The following PI4KA variants were observed in gnomAD, a reference collection of about 807,000 sequenced individuals.
PI4KA encodes the protein PI4-kinase alpha.
PI4KA carries 122 observed loss-of-function variants against 271.4 expected under a neutral mutation model. That is an observed-to-expected ratio of 0.45 (90% CI 0.39 to 0.52). PI4KA has a LOEUF of 0.52. Ranked by LOEUF, PI4KA falls within the 20% of genes least tolerant of loss-of-function variation. The pLI is 0.00. For missense variants in PI4KA, 1,969 were observed against 2,769.1 expected (o/e 0.71, Z 6.48); for synonymous variants, 1,041 against 1,078.8 (o/e 0.96, Z 0.69).
chr22:20,808,161 A>G (rs1456043419), intron 9 of PI4KA, among the ~76,000 whole-genome samples: 2 of 151,884 alleles, frequency 1.3e-5, no homozygotes, highest in African/African-American at 4.8e-5. Context: ...GTGGTGGTAC[A>G]TGACTGTAAT....
At chr22:20,820,731 C>T (rs1281671121) in intron 4 of PI4KA, 120 bp from the exon 5 acceptor site, 4 of 679,550 alleles carry the variant, frequency 5.9e-6, no homozygotes, top group Non-Finnish European at 1.0e-5. Flanking sequence ...ATATATGATA[C>T]ATCCCTCCAC....
At chr22:20,774,665 G>A (rs1437082712) in intron 19 of PI4KA, among the ~76,000 whole-genome samples, 3 of 152,016 alleles carry the variant, frequency 2.0e-5, no homozygotes, top group Admixed American at 2.0e-4. Context: ...GGAGGCTGAG[G>A]CAGGAGAATC....
chr22:20,743,444 C>G (rs1336137435), intron 30 of PI4KA, among the ~76,000 whole-genome samples: 2 of 150,788 alleles, frequency 1.3e-5, no homozygotes, highest in Admixed American at 1.3e-4. Flanking sequence ...ACACCCAGCC[C>G]TCCTTACTAT....
intron 19 of PI4KA, among the ~76,000 whole-genome samples, chr22:20,791,632 C>G (rs1257714063): frequency 6.6e-6 from 1 of 151,854 alleles, no homozygotes; most frequent in Non-Finnish European, 1.5e-5. Flanking sequence ...GTGATGTGCA[C>G]CTGTAGTCCC....
chr22:20,799,377 GTCTTGATGCAGTGT>G lies in PI4KA; in HGVS notation c.1821-115_1821-102del, dbSNP rs146637143. ...CGATCTAGACCTTAATTTCATAACAGTCTTGATGCAGTGTTCATCTGAAACTGACAGCCCAGGAT... is the reference window on the plus strand; with the variant it reads ...CGATCTAGACCTTAATTTCATAACAGTCATCTGAAACTGACAGCCCAGGAT... On this transcript the variant is annotated intron_variant, in intron 15 of 54. Transcript: ENST00000255882. The G allele has an allele frequency of 1.8e-3, 1,986 of 1,122,070 alleles. 30 individuals carry two copies. In the African/African-American group the frequency reaches 0.029, roughly 16 times the overall value. The allele number at this position is 1,122,070 out of a possible 1,614,324, so 69.5% of individuals were successfully genotyped here. A position where few individuals can be genotyped will look rare whatever the true frequency, so the allele number is the denominator to read the frequency against.
intron 23 of PI4KA, among the ~76,000 whole-genome samples, chr22:20,755,852 G>A (rs1931235046): frequency 1.3e-5 from 2 of 151,784 alleles, no homozygotes; most frequent in Non-Finnish European, 2.9e-5. Context: ...AGAACACAGT[G>A]ATCATCACAG....
In PI4KA at chr22:20,742,266, C is replaced by T; in HGVS notation, c.3703G>A (p.Glu1235Lys). Residue 1235 changes from glutamate to lysine, a missense_variant, in exon 32 of 55, where the codon GAG becomes AAG. By Grantham distance (56) the Glu-to-Lys change is moderately conservative. Transcript: ENST00000255882. ...HGMETALACW[E>K]WLLAGKDGVE... ...CCATCCTTGCCAGCCAGCAGCCACT[C>T]CCAGCAGGCCAGGGCCGTCTCCATG... is the stretch of plus-strand genomic sequence containing the variant. The T allele has an allele frequency of 6.2e-7, 1 of 1,614,178 alleles. No individual in the cohort carries two copies.
Position 20,824,732 on chromosome 22 carries a change from T to TCACACA in PI4KA, c.368-324_368-319dup, listed in dbSNP as rs361914. ...TTATTCCCTAAGTAAATGTGATAAA[T>TCACACA]CACACACACACACACACACACACAC... On this transcript the variant is annotated intron_variant, in intron 3 of 54. Transcript: ENST00000255882. Among the ~76,000 whole-genome samples the TCACACA allele has an allele frequency of 9.4e-3, 1,276 of 136,276 alleles. 10 individuals carry two copies. Among genetic ancestry groups the TCACACA allele is most frequent in the Admixed American group, 0.014 (191 of 13,512 alleles). The allele number at this position is 136,276 out of a possible 152,430, so 89.4% of individuals were successfully genotyped here.
intron 18 of PI4KA, among the ~76,000 whole-genome samples, chr22:20,795,715 T>A (rs1229371181): frequency 3.9e-5 from 6 of 152,142 alleles, no homozygotes; most frequent in Admixed American, 3.3e-4. Flanking sequence ...TTTATCTCAG[T>A]AGACCTGTCT....
intron 19 of PI4KA, chr22:20,785,981 C>A: frequency 4.3e-6 from 7 of 1,614,000 alleles, no homozygotes; most frequent in Non-Finnish European, 5.9e-6. Flanking sequence ...TAAAACTGGG[C>A]CCCCCTTTCC....
At chr22:20,735,138 T>TG (rs909468725) in intron 32 of PI4KA, among the ~76,000 whole-genome samples, 52 of 150,750 alleles carry the variant, frequency 3.4e-4, no homozygotes, top group African/African-American at 1.2e-3. Context: ...CCCCATTCCG[T>TG]GGGGGGGCAT....
intron 42 of PI4KA, 67 bp from the exon 43 acceptor site, chr22:20,721,485 CT>C: frequency 3.2e-6 from 5 of 1,565,544 alleles, no homozygotes; most frequent in Non-Finnish European, 4.4e-6. Flanking sequence ...TTGTCAGCAG[CT>C]GCTGACTCCC....
At chr22:20,797,799 G>A (rs1470200422) in intron 17 of PI4KA, among the ~76,000 whole-genome samples, 8 of 151,976 alleles carry the variant, frequency 5.3e-5, no homozygotes, top group African/African-American at 1.9e-4. Flanking sequence ...AGAATCCAGA[G>A]GAAGGCCTGG....
At chr22:20,823,261 G>C (rs1244039264) in intron 4 of PI4KA, among the ~76,000 whole-genome samples, 1 of 139,502 alleles carries the variant, frequency 7.2e-6, no homozygotes, top group Non-Finnish European at 1.5e-5. Flanking sequence ...CTTTGGTGTT[G>C]ACCTCTTTAT....
intron 3 of PI4KA, among the ~76,000 whole-genome samples, chr22:20,827,832 T>C (rs986449437): frequency 1.3e-5 from 2 of 152,204 alleles, no homozygotes; most frequent in Non-Finnish European, 2.9e-5. Flanking sequence ...TCTCACTCTG[T>C]CGCCCAGGCT....
At chr22:20,737,435 ACTC>A (rs1201424805) in intron 32 of PI4KA, among the ~76,000 whole-genome samples, 1 of 151,590 alleles carries the variant, frequency 6.6e-6, no homozygotes, top group East Asian at 1.9e-4. Flanking sequence ...CAACCAACCC[ACTC>A]CTATCTGAGG....
chr22:20,840,700 T>C (rs1925439192), intron 1 of PI4KA, among the ~76,000 whole-genome samples: 1 of 152,130 alleles, frequency 6.6e-6, no homozygotes, highest in South Asian at 2.1e-4. Flanking sequence ...GAGAGATTAC[T>C]TTAGTTGCCT....
chr22:20,744,744 T>C, intron 29 of PI4KA, 24 bp from the exon 30 acceptor site: 1 of 1,589,288 alleles, frequency 6.3e-7, no homozygotes. Flanking sequence ...ACCATTATTG[T>C]AGACTATGGC....
chr22:20,804,748 T>A (rs1249304995), intron 11 of PI4KA, among the ~76,000 whole-genome samples: 1 of 152,154 alleles, frequency 6.6e-6, no homozygotes, highest in South Asian at 2.1e-4. Flanking sequence ...GCCACGGGCA[T>A]CCCCATCCTC....
Sources: gnomAD v4.1 joint callset for allele counts (sites outside exome capture counted in the v4.1 genomes callset) on GRCh38, gnomAD v4.1.1 for gene constraint, MANE v1.5 for transcripts, NCBI Gene and HGNC (gene_info 2026-07-23, HGNC 2026-07-21) for gene names.